The following RGS5 variants were observed in gnomAD, a reference collection of about 807,000 sequenced individuals.
RGS5 encodes regulator of G protein signaling 5.
RGS5 carries 20 observed loss-of-function variants against 18.9 expected under a neutral mutation model. The observed-to-expected ratio is 1.06, with a 90% CI of 0.74 to 1.54. The LOEUF (loss-of-function observed/expected upper bound fraction) is 1.54. RGS5 is among the 40% of genes most tolerant of loss of function. The probability of loss-of-function intolerance (pLI) is 0.00; values close to 1 mark genes in which losing one functional copy is unlikely to be tolerated. For missense variants in RGS5, 201 were observed against 211.8 expected (o/e 0.95, Z 0.32); for synonymous variants, 57 against 76.2 (o/e 0.75, Z 1.31).
intron 1 of RGS5, among the ~76,000 whole-genome samples, chr1:163,170,907 T>C (rs1231015628): frequency 2.0e-5 from 3 of 152,210 alleles, no homozygotes; most frequent in African/African-American, 7.2e-5. Context: ...TTACTTAAAT[T>C]ATCTAATGTT....
chr1:163,199,292 C>T (rs1284162467), intron 1 of RGS5, among the ~76,000 whole-genome samples: 2 of 151,906 alleles, frequency 1.3e-5, no homozygotes, highest in East Asian at 1.9e-4. Context: ...TAAAAGTATG[C>T]GAGTCCTACT....
intron 2 of RGS5, among the ~76,000 whole-genome samples, chr1:163,258,478 A>G (rs1256121191): frequency 6.6e-6 from 1 of 152,182 alleles, no homozygotes; most frequent in Non-Finnish European, 1.5e-5. Context: ...TTTATATGTG[A>G]TTTGGGAAAG....
At position 163,303,745 on chromosome 1, in the gene RGS5, G is replaced by A. The variant is rs186825267; in HGVS notation, c.-281+2488C>T. Reference sequence around the variant, plus strand: ...GGCCACACAGCACGAAGTGAGTGGCGGTGAGTGAGCATTACCACCTGCCTG... The same window carrying A: ...GGCCACACAGCACGAAGTGAGTGGCAGTGAGTGAGCATTACCACCTGCCTG... On this transcript the variant is annotated intron_variant, in intron 2 of 5. Coordinates refer to the RGS5 transcript ENST00000618415. Among the ~76,000 whole-genome samples, 431 of 152,250 alleles carry A rather than the reference G, an allele frequency of 2.8e-3. 3 individuals are homozygous for A. The highest frequency in any genetic ancestry group is 9.9e-3 in the African/African-American group (410 of 41,542).
chr1:163,292,226 A>G (rs12750859), intron 2 of RGS5, among the ~76,000 whole-genome samples: 95,906 of 151,890 alleles, frequency 0.63, 30,736 homozygotes, highest in Non-Finnish European at 0.68. Flanking sequence ...ATATCCATGC[A>G]TTCTCATCAT....
intron 4 of RGS5, among the ~76,000 whole-genome samples, chr1:163,148,807 A>G (rs1010401340): frequency 6.6e-6 from 1 of 152,212 alleles, no homozygotes; most frequent in Admixed American, 6.5e-5. Flanking sequence ...TTTATACTCC[A>G]TGTTGTACGA....
At chr1:163,243,908 A>G (rs1022970040) in intron 2 of RGS5, among the ~76,000 whole-genome samples, 1 of 152,152 alleles carries the variant, frequency 6.6e-6, no homozygotes, top group Non-Finnish European at 1.5e-5. Flanking sequence ...GGGCCTTAGA[A>G]TCAAACAAAA....
At chr1:163,218,796 G>C (rs911802681), upstream of RGS5, among the ~76,000 whole-genome samples, 8 of 152,070 alleles carry the variant, frequency 5.3e-5, no homozygotes, top group South Asian at 2.1e-4. Context: ...AAGACAAAGA[G>C]ATTGCCTCAG....
At chr1:163,272,044 C>T (rs574596916) in intron 2 of RGS5, among the ~76,000 whole-genome samples, 150 of 151,786 alleles carry the variant, frequency 9.9e-4, no homozygotes, top group Non-Finnish European at 1.8e-3. Flanking sequence ...CTCCCTCTCT[C>T]TCTCTTTTTC....
At chr1:163,220,376 A>C (rs542935693), upstream of RGS5, among the ~76,000 whole-genome samples, 1 of 152,244 alleles carries the variant, frequency 6.6e-6, no homozygotes, top group African/African-American at 2.4e-5. Context: ...ACTCCATTCA[A>C]ATTTTACTAA....
rs1650213496 is a variant in RGS5 at position 163,321,621 on chromosome 1, C to T, written c.-378+1G>A. 1.3e-5 allele frequency: 2 copies of T among 152,176 alleles called. No homozygotes were observed. The highest frequency in any genetic ancestry group is 4.8e-5 in the African/African-American group (2 of 41,436). The allele number at this position is 152,176 out of a possible 1,614,324, so 9.4% of individuals were successfully genotyped here. A position where few individuals can be genotyped will look rare whatever the true frequency, so the allele number is the denominator to read the frequency against. On this transcript the variant is annotated splice_donor_variant, in intron 1 of 5. Coordinates refer to the RGS5 transcript ENST00000618415. LOFTEE classifies it low-confidence loss of function (5UTR_SPLICE). ...TATTACTCTGGAATTCTATAAATTA[C>T]CTCTGTACTTCCTCCCTTGTCACCC... is the stretch of plus-strand genomic sequence containing the variant.
At chr1:163,302,234 T>A (rs1649572061) in intron 2 of RGS5, among the ~76,000 whole-genome samples, 1 of 152,036 alleles carries the variant, frequency 6.6e-6, no homozygotes, top group South Asian at 2.1e-4. Context: ...AGGTATACAG[T>A]GGTACTTATA....
chr1:163,224,957 AT>A (rs996615675), intron 2 of RGS5, among the ~76,000 whole-genome samples: 3 of 151,960 alleles, frequency 2.0e-5, no homozygotes, highest in East Asian at 3.9e-4. Context: ...GTTTGTAAAT[AT>A]TTTCTCCCAT....
At position 163,229,988 on chromosome 1, in the gene RGS5, G is replaced by A. The variant is rs147702168; in HGVS notation, c.-280-61620C>T. ...TGAATGATATAAATAAAATAAACCC[G>A]GGTTTTACATCTAATTGTTGGCTGA... On this transcript the variant is annotated intron_variant, in intron 2 of 5. Transcript: ENST00000618415. Among the ~76,000 whole-genome samples, 94 of 152,210 alleles carry A rather than the reference G, an allele frequency of 6.2e-4. No individual in the cohort carries two copies. The East Asian group carries it at 0.015, about 25-fold the overall frequency.
chr1:163,145,966 C>T lies in RGS5; in HGVS notation c.*1376G>A, dbSNP rs1250731493. ...TTCTTTTGAGTTAATATCCTCATCT[C>T]GATTACCCTCATACATGGCTTAGTT... On this transcript the variant is annotated 3_prime_UTR_variant, in exon 5 of 5. Transcript: ENST00000313961. 1.3e-5 allele frequency: 2 copies of T among 152,274 alleles called. No homozygotes were observed. Among genetic ancestry groups the T allele is most frequent in the East Asian group, 3.9e-4 (2 of 5,186 alleles). 9.4% of individuals were successfully genotyped at this position (152,274 alleles called of 1,614,324 possible).
rs1395194905 is a variant in RGS5 at position 163,227,499 on chromosome 1, G to T, written c.-280-59131C>A. Among the ~76,000 whole-genome samples, 3 of 152,022 alleles carry T rather than the reference G, an allele frequency of 2.0e-5. No homozygotes were observed. In the South Asian group the frequency reaches 6.2e-4, roughly 32 times the overall value. On this transcript the variant is annotated intron_variant, in intron 2 of 5. Transcript: ENST00000618415. ...CTCCATGATTCAATTACCTCTACCT[G>T]GTCCCATCCTTAAAACATGGGGATT...
At chr1:163,314,513 C>A (rs1473095390) in intron 1 of RGS5, among the ~76,000 whole-genome samples, 1 of 152,118 alleles carries the variant, frequency 6.6e-6, no homozygotes, top group South Asian at 2.1e-4. Flanking sequence ...GATAACATGG[C>A]ACCAGAACTG....
At chr1:163,262,557 T>C (rs1001349139) in intron 2 of RGS5, among the ~76,000 whole-genome samples, 1 of 90,810 alleles carries the variant, frequency 1.1e-5, no homozygotes, top group African/African-American at 4.4e-5. Flanking sequence ...CAGTCTATCA[T>C]TGTTGGACAT....
intron 1 of RGS5, among the ~76,000 whole-genome samples, chr1:163,177,107 C>T (rs1557891447): frequency 6.6e-6 from 1 of 152,196 alleles, no homozygotes; most frequent in South Asian, 2.1e-4. Context: ...AGATAATGGG[C>T]TCTCCAGTCA....
rs1041785128 is a variant in RGS5 at position 163,191,239 on chromosome 1, G to A, written c.44+11553C>T. 2.3e-4 allele frequency among the ~76,000 whole-genome samples: 35 copies of A among 152,072 alleles called. 1 individual carries two copies. The highest frequency in any genetic ancestry group is 8.0e-4 in the African/African-American group (33 of 41,382). On this transcript the variant is annotated intron_variant, in intron 1 of 4. Coordinates refer to ENST00000313961, the MANE Select transcript of RGS5 (RefSeq NM_003617.4). ...AACATAGCTGGCAAGTGAGACTGAC[G>A]CCAGTAGCCTTGGAGGGCTACAAAT...
Sources: allele counts gnomAD v4.1 joint callset (sites outside exome capture counted in the v4.1 genomes callset), GRCh38; gene constraint gnomAD v4.1.1; transcripts MANE v1.5; gene names NCBI Gene and HGNC (gene_info 2026-07-23, HGNC 2026-07-21).